The following TRAF3IP1 variants were observed in gnomAD, a reference collection of about 807,000 sequenced individuals.
TRAF3IP1 encodes TRAF3-interacting protein 1.
A neutral mutation model predicts 89.9 loss-of-function variants in TRAF3IP1; 53 were observed. The ratio of observed to expected loss-of-function variants is 0.59; its 90% CI spans 0.47 to 0.74. The LOEUF (loss-of-function observed/expected upper bound fraction) is 0.74, where lower values mean the gene tolerates loss of function less well. Among genes scored for constraint, TRAF3IP1 ranks in the 30% least tolerant of loss-of-function variants. TRAF3IP1 has a pLI of 0.00. For missense variants in TRAF3IP1, 806 were observed against 866.1 expected, an observed-to-expected ratio of 0.93 and a Z score of 0.87; for synonymous variants, 311 against 322.1, an observed-to-expected ratio of 0.97 and a Z score of 0.37.
chr2:238,370,498 G>C (rs1364477896), intron 15 of TRAF3IP1, among the ~76,000 whole-genome samples: 1 of 152,082 alleles, frequency 6.6e-6, no homozygotes, highest in Non-Finnish European at 1.5e-5. Context: ...CTCCCTACCT[G>C]GTCTCCCTGG....
rs111510607 is a variant in TRAF3IP1 at position 238,366,320 on chromosome 2, A to G, written c.1689+10240A>G. 2.4e-3 allele frequency among the ~76,000 whole-genome samples: 366 copies of G among 152,348 alleles called. 3 individuals carry two copies. The highest frequency in any genetic ancestry group is 8.5e-3 in the African/African-American group (353 of 41,582). ...GGGTGTATTATAGACCACAAAAATG[A>G]TTTGGAAGCCATTAAAATATTACAT... On this transcript the variant is annotated intron_variant, in intron 15 of 16. Transcript: ENST00000373327.
intron 3 of TRAF3IP1, among the ~76,000 whole-genome samples, chr2:238,326,215 G>A (rs1368381507): frequency 6.6e-6 from 1 of 152,220 alleles, no homozygotes; most frequent in South Asian, 2.1e-4. Flanking sequence ...TCAGTAGAAA[G>A]TCGGGAACCC....
At chr2:238,376,603 T>C (rs1700326884) in intron 15 of TRAF3IP1, among the ~76,000 whole-genome samples, 1 of 152,268 alleles carries the variant, frequency 6.6e-6, no homozygotes, top group Non-Finnish European at 1.5e-5. Flanking sequence ...TTAGACTTGC[T>C]TTAAAGTCTT....
chr2:238,338,523 G>A, intron 8 of TRAF3IP1, 66 bp downstream of exon 8: 3 of 873,376 alleles, frequency 3.4e-6, no homozygotes, highest in Admixed American at 2.9e-5. Context: ...ATATCTCAAT[G>A]TAGTTATACA....
chr2:238,320,999 G>T (rs1255848861), intron 1 of TRAF3IP1, among the ~76,000 whole-genome samples: 1 of 151,518 alleles, frequency 6.6e-6, no homozygotes, highest in Non-Finnish European at 1.5e-5. Flanking sequence ...TCAGGGCCGG[G>T]TGTGGGCCGG....
chr2:238,335,771 TTTATTTA>T (rs1396097374), intron 7 of TRAF3IP1, among the ~76,000 whole-genome samples: 273 of 12,876 alleles, frequency 0.021, 2 homozygotes, highest in Middle Eastern at 0.071. Context: ...TTTTATTTTA[TTTATTTA>T]TTTATTTATT....
At chr2:238,398,256 C>T (rs1450993660) in intron 16 of TRAF3IP1, among the ~76,000 whole-genome samples, 1 of 110,134 alleles carries the variant, frequency 9.1e-6, no homozygotes, top group African/African-American at 3.7e-5. Flanking sequence ...GGGGGCCCTG[C>T]AGCAGGAGCA....
chr2:238,324,668 G>T (rs185323849), intron 1 of TRAF3IP1, among the ~76,000 whole-genome samples: 293 of 151,922 alleles, frequency 1.9e-3, no homozygotes, highest in African/African-American at 6.8e-3. Flanking sequence ...GCAGTGGTAC[G>T]ATCTCGGCTC....
intron 1 of TRAF3IP1, among the ~76,000 whole-genome samples, chr2:238,321,738 G>T (rs546891849): frequency 5.3e-5 from 8 of 152,188 alleles, no homozygotes; most frequent in Admixed American, 5.2e-4. Context: ...CATTTCCATG[G>T]TGGACCCAAG....
At chr2:238,353,235 G>C (rs1347828584) in intron 14 of TRAF3IP1, 26 bp downstream of exon 14, 4 of 1,613,542 alleles carry the variant, frequency 2.5e-6, no homozygotes, top group Non-Finnish European at 3.4e-6. Context: ...GAGTGTGCAT[G>C]TATGTCCATG....
At chr2:238,370,734 G>A (rs927838973) in intron 15 of TRAF3IP1, among the ~76,000 whole-genome samples, 8 of 152,218 alleles carry the variant, frequency 5.3e-5, no homozygotes, top group Non-Finnish European at 1.0e-4. Context: ...GGCTAGCATA[G>A]CAGTGGACGT....
At chr2:238,344,854 G>T in intron 9 of TRAF3IP1, 1 of 617,418 alleles carries the variant, frequency 1.6e-6, no homozygotes, top group Non-Finnish European at 3.0e-6. Flanking sequence ...CATCACTTGG[G>T]GGGTGTCATG....
At chr2:238,353,548 A>G (rs1417048355) in intron 14 of TRAF3IP1, among the ~76,000 whole-genome samples, 1 of 152,130 alleles carries the variant, frequency 6.6e-6, no homozygotes, top group Non-Finnish European at 1.5e-5. Flanking sequence ...TAGTTCTGGA[A>G]TGTTATTGTT....
At position 238,345,911 on chromosome 2, in the gene TRAF3IP1, G is replaced by A. The variant is rs1018291565; in HGVS notation, c.1261+1313G>A. On this transcript the variant is annotated intron_variant, in intron 9 of 16. Transcript: ENST00000373327. This position sits in a 1 kb window ranked among gnomAD's most constrained non-coding sequence, Gnocchi z 4.7. ...TGTGGGCCATGTGGCAGGTGCCTTG[G>A]GTTCTGGGTAACGGGGACTGGAAGT... 6.6e-6 allele frequency among the ~76,000 whole-genome samples: 1 copy of A among 152,234 alleles called. No homozygotes were observed. The highest frequency in any genetic ancestry group is 6.5e-5 in the Admixed American group (1 of 15,294).
intron 15 of TRAF3IP1, among the ~76,000 whole-genome samples, chr2:238,393,669 T>A (rs1190876842): frequency 6.6e-6 from 1 of 152,236 alleles, no homozygotes; most frequent in African/African-American, 2.4e-5. Flanking sequence ...TTAATTTTTG[T>A]TTAAGATATG....
At chr2:238,356,733 G>T (rs1699427194) in intron 15 of TRAF3IP1, among the ~76,000 whole-genome samples, 1 of 151,990 alleles carries the variant, frequency 6.6e-6, no homozygotes, top group Non-Finnish European at 1.5e-5. Flanking sequence ...AGACTGGGAG[G>T]CTGGCTGCCT....
rs1424998194 is a variant in TRAF3IP1 at position 238,351,881 on chromosome 2, G to T, written c.1452-946G>T. On this transcript the variant is annotated intron_variant, in intron 12 of 16. Transcript: ENST00000373327. The surrounding 1 kb of genome is among the most constrained non-coding windows in gnomAD (Gnocchi z 5.2). ...TGTGTGTGTGTGCGCGCGCGCGCGT[G>T]TGCGTGCATGTGCTTGTGTGTATGC... 6.6e-6 allele frequency among the ~76,000 whole-genome samples: 1 copy of T among 151,382 alleles called. No individual in the cohort carries two copies.
intron 15 of TRAF3IP1, among the ~76,000 whole-genome samples, chr2:238,362,109 A>C (rs143712052): frequency 1.1e-4 from 16 of 152,172 alleles, no homozygotes; most frequent in African/African-American, 3.1e-4. Flanking sequence ...CGTCCTTGGC[A>C]TGGCCTCCAG....
chr2:238,320,627 AG>A lies in TRAF3IP1; in HGVS notation c.-32del. 2 of 1,279,554 alleles carry A rather than the reference AG, an allele frequency of 1.6e-6. No individual in the cohort carries two copies. Among genetic ancestry groups the A allele is most frequent in the Non-Finnish European group, 1.0e-6 (1 of 995,204 alleles). The allele number at this position is 1,279,554 out of a possible 1,614,324, so 79.3% of individuals were successfully genotyped here. ...GGCTTAGGCTCGGCCAGGCCGGCTG[AG>A]GGGCGCGGGCGGCCAGCGGGCGGCG... On this transcript the variant is annotated 5_prime_UTR_variant, in exon 1 of 17. Transcript: ENST00000373327.
Sources: allele counts gnomAD v4.1 joint callset (sites outside exome capture counted in the v4.1 genomes callset), GRCh38; gene constraint gnomAD v4.1.1; non-coding constraint Gnocchi (gnomAD v3.1); transcripts MANE v1.5; gene names NCBI Gene and HGNC (gene_info 2026-07-23, HGNC 2026-07-21).